Variants in TMCO6 observed in about 807,000 individuals in gnomAD.
The protein encoded by TMCO6 is transmembrane and coiled-coil domain-containing protein 6.
A neutral mutation model predicts 61.8 loss-of-function variants in TMCO6; 47 were observed. That is an observed-to-expected ratio of 0.76 (90% CI 0.60 to 0.97). The LOEUF (loss-of-function observed/expected upper bound fraction) is 0.97, where lower values mean the gene tolerates loss of function less well. Ranked by LOEUF, TMCO6 falls within the 50% of genes least tolerant of loss-of-function variation. The pLI is 0.00. For missense variants in TMCO6, 557 were observed against 601.6 expected, an observed-to-expected ratio of 0.93 and a Z score of 0.78; for synonymous variants, 261 against 254.2, an observed-to-expected ratio of 1.03 and a Z score of -0.25.
At chr5:140,616,762 AG>A in the TMCO6 span, among the ~76,000 whole-genome samples, 1 of 152,112 alleles carries the variant, frequency 6.6e-6, no homozygotes, top group African/African-American at 2.4e-5. Flanking sequence ...AAATGGGCAA[AG>A]GTCCAGTCAT....
chr5:140,605,530 A>T, the TMCO6 span, among the ~76,000 whole-genome samples: 1 of 152,010 alleles, frequency 6.6e-6, no homozygotes, highest in Non-Finnish European at 1.5e-5. Context: ...AAATACAAAA[A>T]TTAGCTGGGC....
Position 140,643,602 on chromosome 5 carries a change from T to C in TMCO6, c.845T>C (p.Leu282Pro). 6.2e-7 allele frequency: 1 copy of C among 1,614,218 alleles called. No homozygotes were observed. The highest frequency in any genetic ancestry group is 2.2e-5 in the East Asian group (1 of 44,888). Residue 282 changes from leucine (L) to proline (P), a missense_variant, in exon 8 of 12, where the codon CTG becomes CCG. Leu to Pro is a moderately conservative substitution (Grantham distance 98). Transcript: ENST00000394671. ...SNPLLIGHGA[L>P]STLGLLLLDL... ...CCTCTGCTCATTGGCCATGGGGCTC[T>C]GTCTACTCTGGGGTTGCTGCTGTTG...
the TMCO6 span, chr5:140,632,435 A>C: frequency 5.6e-5 from 90 of 1,614,228 alleles, no homozygotes; most frequent in South Asian, 9.7e-4. This position sits in a 1 kb window ranked among gnomAD's most constrained non-coding sequence, Gnocchi z 6.2. Context: ...AGGAAAAGGC[A>C]GGCGAGTGTG....
chr5:140,613,254 T>C, the TMCO6 span, among the ~76,000 whole-genome samples: 1 of 151,802 alleles, frequency 6.6e-6, no homozygotes, highest in African/African-American at 2.4e-5. Flanking sequence ...CTGAGTGTGG[T>C]GGCATGCACC....
Position 140,644,084 on chromosome 5 carries a change from G to C in TMCO6, c.1106-16G>C. 2.5e-6 allele frequency: 4 copies of C among 1,613,934 alleles called. No homozygotes were observed. Among genetic ancestry groups the C allele is most frequent in the Non-Finnish European group, 3.4e-6 (4 of 1,179,824 alleles). On this transcript the variant is annotated splice_polypyrimidine_tract_variant and intron_variant, in intron 9 of 11. Transcript: ENST00000394671. Reference sequence around the variant, plus strand: ...GTGGGGGAAAGCAGTTTTTCACCCTGGTACTTCTCTTCCAGCAAACAGTCC... The same window carrying C: ...GTGGGGGAAAGCAGTTTTTCACCCTCGTACTTCTCTTCCAGCAAACAGTCC...
At chr5:140,647,081 A>T (rs1030325328), downstream of TMCO6, 4 of 720,446 alleles carry the variant, frequency 5.6e-6, no homozygotes, top group African/African-American at 7.1e-5. Context: ...CCGGAATACA[A>T]CGCATCATAT....
chr5:140,606,043 C>T, the TMCO6 span, among the ~76,000 whole-genome samples: 1 of 151,916 alleles, frequency 6.6e-6, no homozygotes. Context: ...TAGTAATGTT[C>T]CACTTTAATT....
chr5:140,626,242 T>TC, the TMCO6 span, among the ~76,000 whole-genome samples: 1 of 151,642 alleles, frequency 6.6e-6, no homozygotes, highest in South Asian at 2.1e-4. Context: ...TCTTTTTTTT[T>TC]TGAGATGGAG....
the TMCO6 span, among the ~76,000 whole-genome samples, chr5:140,628,695 C>T: frequency 2.0e-5 from 3 of 152,208 alleles, no homozygotes; most frequent in African/African-American, 7.2e-5. Flanking sequence ...CCACCTCGGC[C>T]TTCCAAAGTG....
chr5:140,644,271 A>G, intron 10 of TMCO6, 77 bp downstream of exon 10: 1 of 1,490,702 alleles, frequency 6.7e-7, no homozygotes, highest in Non-Finnish European at 9.4e-7. Context: ...CCTCAGATGT[A>G]CCCTTAGTTG....
At chr5:140,625,647 T>A in the TMCO6 span, among the ~76,000 whole-genome samples, 9 of 152,198 alleles carry the variant, frequency 5.9e-5, no homozygotes, top group Non-Finnish European at 2.9e-5. Context: ...TTCTCCCCAC[T>A]GCAATATGAA....
chr5:140,602,807 AG>A, the TMCO6 span, among the ~76,000 whole-genome samples: 3 of 151,192 alleles, frequency 2.0e-5, no homozygotes, highest in African/African-American at 7.3e-5. Context: ...AAAAAAGGAA[AG>A]GAAAAAAGAA....
chr5:140,598,076 A>C, the TMCO6 span, among the ~76,000 whole-genome samples: 1 of 152,300 alleles, frequency 6.6e-6, no homozygotes, highest in East Asian at 1.9e-4. Flanking sequence ...GAATCTCTCC[A>C]ATGGGGATTC....
At chr5:140,619,749 C>A in the TMCO6 span, among the ~76,000 whole-genome samples, 1 of 152,180 alleles carries the variant, frequency 6.6e-6, no homozygotes, top group Non-Finnish European at 1.5e-5. Flanking sequence ...CCAAAATAAA[C>A]CTGTCTTAAC....
upstream of TMCO6, chr5:140,639,229 C>A: frequency 2.8e-6 from 1 of 355,378 alleles, no homozygotes; most frequent in Non-Finnish European, 5.3e-6. Context: ...TTGGGTCACT[C>A]GAGGTCAGGG....
the TMCO6 span, among the ~76,000 whole-genome samples, chr5:140,629,623 G>A: frequency 6.6e-6 from 1 of 152,066 alleles, no homozygotes; most frequent in African/African-American, 2.4e-5. Context: ...TTCTGGTCTG[G>A]AGCATTTTGG....
the TMCO6 span, among the ~76,000 whole-genome samples, chr5:140,631,192 A>G: frequency 1.3e-5 from 2 of 152,188 alleles, no homozygotes; most frequent in African/African-American, 4.8e-5. Context: ...GGGGAGTGAC[A>G]CAGTGAAAGC....
chr5:140,647,601 TCG>T, downstream of TMCO6: 1 of 1,607,372 alleles, frequency 6.2e-7, no homozygotes. Flanking sequence ...AATATCGAAG[TCG>T]CCAATTCCAG....
At chr5:140,618,425 T>A in the TMCO6 span, among the ~76,000 whole-genome samples, 7 of 150,038 alleles carry the variant, frequency 4.7e-5, no homozygotes, top group African/African-American at 1.7e-4. Flanking sequence ...AGAGTGAAAC[T>A]CAAAAAAGAA....
Sources: allele counts gnomAD v4.1 joint callset (sites outside exome capture counted in the v4.1 genomes callset), GRCh38; gene constraint gnomAD v4.1.1; non-coding constraint Gnocchi (gnomAD v3.1); transcripts MANE v1.5; gene names NCBI Gene and HGNC (gene_info 2026-07-23, HGNC 2026-07-21).